The following TEN1 variants were observed in gnomAD, a reference collection of about 807,000 sequenced individuals.
The protein encoded by TEN1 is CST complex subunit TEN1.
TEN1 carries 6 observed loss-of-function variants against 9.3 expected under a neutral mutation model. That is an observed-to-expected ratio of 0.65 (90% CI 0.35 to 1.27). The LOEUF (loss-of-function observed/expected upper bound fraction) is 1.27. Among genes scored for constraint, TEN1 ranks in the 50% most tolerant of loss-of-function variants. The pLI is 0.03. For missense variants in TEN1, 149 were observed against 158.2 expected, an observed-to-expected ratio of 0.94 and a Z score of 0.31; for synonymous variants, 65 against 65.6, an observed-to-expected ratio of 0.99 and a Z score of 0.04.
At position 75,998,100 on chromosome 17, in the gene TEN1, C is replaced by T. The variant is rs534551170; in HGVS notation, c.251-2041C>T. ...CTCCTGACCTCAGGTGATCCGCCTG[C>T]GTCAGCCTCCCAGAGTGCTGGGATT... On this transcript the variant is annotated intron_variant, in intron 3 of 3. Transcript: ENST00000397640. 2.7e-5 allele frequency among the ~76,000 whole-genome samples: 4 copies of T among 150,252 alleles called. No homozygotes were observed. In the South Asian group the frequency reaches 6.3e-4, roughly 24 times the overall value.
At position 76,000,113 on chromosome 17, in the gene TEN1, C is replaced by T. The variant is rs914455955; in HGVS notation, c.251-28C>T. 1.4e-5 allele frequency: 22 copies of T among 1,547,264 alleles called. 1 individual carries two copies. Among genetic ancestry groups the T allele is most frequent in the South Asian group, 3.6e-5 (3 of 83,882 alleles). ...CGTTGTTGACACGCCGCTCAGTCGC[C>T]GTTCGTGCCCTGGTGTTTGTCTTGC... On this transcript the variant is annotated intron_variant, in intron 3 of 3. Transcript: ENST00000397640. This position sits in a 1 kb window ranked among gnomAD's most constrained non-coding sequence, Gnocchi z 5.9.
At chr17:75,984,887 A>C (rs2066142616) in intron 1 of TEN1, 1 of 152,350 alleles carries the variant, frequency 6.6e-6, no homozygotes, top group Admixed American at 6.5e-5. Flanking sequence ...TTTGCTGACA[A>C]ACAGAACAGT....
At position 75,985,234 on chromosome 17, in the gene TEN1, A is replaced by T. The variant is rs559269176; in HGVS notation, c.-6-953A>T. Among the ~76,000 whole-genome samples the T allele has an allele frequency of 5.9e-5, 9 of 152,112 alleles. No individual in the cohort carries two copies. The South Asian group carries it at 1.9e-3, about 32-fold the overall frequency. ...GTGATCATAGCTCACTGCAGCTTCA[A>T]CCTCCTGTGGTGGTGATCCTCCTGC... On this transcript the variant is annotated intron_variant, in intron 1 of 3. Coordinates refer to ENST00000397640, the MANE Select transcript of TEN1 (RefSeq NM_001113324.3).
At chr17:75,996,929 G>A (rs545601669) in intron 3 of TEN1, among the ~76,000 whole-genome samples, 9 of 152,022 alleles carry the variant, frequency 5.9e-5, no homozygotes, top group Non-Finnish European at 1.3e-4. Context: ...CTCCTCGGGT[G>A]TGTCAGCATC....
chr17:75,997,960 T>A (rs903429955), intron 3 of TEN1, among the ~76,000 whole-genome samples: 3 of 152,044 alleles, frequency 2.0e-5, no homozygotes, highest in Admixed American at 2.0e-4. Flanking sequence ...GTTCAAGCGA[T>A]TCTGCCTCAG....
chr17:75,979,525 T>G lies in TEN1; in HGVS notation c.-7+14T>G. On this transcript the variant is annotated intron_variant, in intron 1 of 3. Transcript: ENST00000397640. ...CGCCTAGAACAGGTTGGCTGGGGCC[T>G]TGGGAAGGGGGCGGGACAACGAGGC... The G allele has an allele frequency of 3.3e-6, 1 of 301,104 alleles. No individual in the cohort carries two copies. Among genetic ancestry groups the G allele is most frequent in the Non-Finnish European group, 6.5e-6 (1 of 152,856 alleles). 18.7% of individuals were successfully genotyped at this position (301,104 alleles called of 1,614,324 possible).
At chr17:75,997,357 C>G (rs935744255) in intron 3 of TEN1, among the ~76,000 whole-genome samples, 4 of 152,132 alleles carry the variant, frequency 2.6e-5, no homozygotes, top group African/African-American at 7.2e-5. Flanking sequence ...CCACACCCCC[C>G]TCCCCGGCGC....
At chr17:75,999,524 G>A (rs996333111) in intron 3 of TEN1, among the ~76,000 whole-genome samples, 5 of 152,032 alleles carry the variant, frequency 3.3e-5, no homozygotes, top group African/African-American at 1.2e-4. Context: ...TGTATTTTTA[G>A]TAGAGATGGG....
At position 75,996,874 on chromosome 17, in the gene TEN1, A is replaced by G. The variant is rs536504860; in HGVS notation, c.251-3267A>G. 1.3e-5 allele frequency among the ~76,000 whole-genome samples: 2 copies of G among 152,138 alleles called. 1 individual carries two copies. The highest frequency in any genetic ancestry group is 4.2e-4 in the South Asian group (2 of 4,818). On this transcript the variant is annotated intron_variant, in intron 3 of 3. Coordinates refer to ENST00000397640, the MANE Select transcript of TEN1 (RefSeq NM_001113324.3). ...GGACTTGCCCAAACCTTTCTCCCCA[A>G]ACCACACACCCACAGAGTCTGGAGC...
intron 3 of TEN1, among the ~76,000 whole-genome samples, chr17:75,992,008 C>T (rs2066188649): frequency 6.9e-6 from 1 of 144,064 alleles, no homozygotes; most frequent in African/African-American, 2.6e-5. Context: ...GATCGTTCCA[C>T]TGCACTCCAG....
intron 1 of TEN1, chr17:75,984,839 C>T (rs528095195): frequency 1.3e-5 from 2 of 152,408 alleles, no homozygotes; most frequent in South Asian, 2.1e-4. Flanking sequence ...CCTTCCACCA[C>T]GTTATCTGCA....
chr17:75,980,911 T>G (rs1350752502), intron 1 of TEN1, among the ~76,000 whole-genome samples: 2 of 152,180 alleles, frequency 1.3e-5, no homozygotes, highest in African/African-American at 4.8e-5. Context: ...GGTGTCTAGT[T>G]TATTCTCTGT....
rs141906358 is a variant in TEN1, at chr17:75,982,006, G to T, written c.-7+2495G>T. Among the ~76,000 whole-genome samples the T allele has an allele frequency of 8.2e-3, 1,241 of 152,146 alleles. 19 individuals are homozygous for T. The highest frequency in any genetic ancestry group is 0.028 in the African/African-American group (1,154 of 41,498). ...TGCACCACTGCATTCCAGCCTGGGC[G>T]ACAGAGTGAGACTCTGTCTCAAAAA... is the stretch of plus-strand genomic sequence containing the variant. On this transcript the variant is annotated intron_variant, in intron 1 of 3. Coordinates refer to ENST00000397640, the MANE Select transcript of TEN1 (RefSeq NM_001113324.3).
chr17:75,986,450 G>T (rs529827164), intron 2 of TEN1, among the ~76,000 whole-genome samples, 166 bp downstream of exon 2: 18 of 151,744 alleles, frequency 1.2e-4, no homozygotes, highest in Non-Finnish European at 1.9e-4. Context: ...GCCTGTAATC[G>T]CAGCACTTTG....
intron 2 of TEN1, among the ~76,000 whole-genome samples, chr17:75,987,916 C>CAAAAAAAAA (rs34957837): frequency 2.0e-5 from 1 of 51,232 alleles, no homozygotes. Flanking sequence ...GACTCCATCT[C>CAAAAAAAAA]AAAAAAAAAA....
chr17:75,979,833 C>T (rs1206636914), intron 1 of TEN1, among the ~76,000 whole-genome samples: 5 of 151,254 alleles, frequency 3.3e-5, no homozygotes, highest in South Asian at 4.2e-4. Context: ...GCGTGGGTTC[C>T]GGGGCCCTGG....
chr17:75,994,909 AC>A (rs1342680768), intron 3 of TEN1, among the ~76,000 whole-genome samples: 2 of 152,056 alleles, frequency 1.3e-5, no homozygotes, highest in Non-Finnish European at 2.9e-5. Context: ...CAGAGGGGGC[AC>A]CCTGTGGCTG....
At chr17:75,994,593 T>G (rs2066207851) in intron 3 of TEN1, among the ~76,000 whole-genome samples, 1 of 151,758 alleles carries the variant, frequency 6.6e-6, no homozygotes, top group Admixed American at 6.6e-5. Flanking sequence ...TTCTCCTGCC[T>G]TGGCCTCCTG....
At chr17:75,997,798 T>A (rs976590936) in intron 3 of TEN1, among the ~76,000 whole-genome samples, 2 of 151,992 alleles carry the variant, frequency 1.3e-5, no homozygotes, top group Non-Finnish European at 2.9e-5. Flanking sequence ...CTCACCCCAC[T>A]GCATTCTGAC....
Sources: allele counts gnomAD v4.1 joint callset (sites outside exome capture counted in the v4.1 genomes callset), GRCh38; gene constraint gnomAD v4.1.1; non-coding constraint Gnocchi (gnomAD v3.1); transcripts MANE v1.5; gene names NCBI Gene and HGNC (gene_info 2026-07-23, HGNC 2026-07-21).